Variants in MEAF6 observed in about 807,000 individuals in gnomAD.
The protein encoded by MEAF6 is MYST/Esa1 associated factor 6, also known as chromatin modification-related protein MEAF6.
MEAF6 carries 15 observed loss-of-function variants against 28.9 expected under a neutral mutation model. The observed-to-expected ratio is 0.52, with a 90% confidence interval of 0.35 to 0.80. The LOEUF (loss-of-function observed/expected upper bound fraction) is 0.80, where lower values mean the gene tolerates loss of function less well. MEAF6 is among the 30% of genes least tolerant of loss of function. The pLI, the probability that MEAF6 is intolerant of heterozygous loss-of-function variation, is 0.01. For synonymous variants in MEAF6, 97 were observed against 88.7 expected, an observed-to-expected ratio of 1.09 and a Z score of -0.53; for missense variants, 178 against 237.5, an observed-to-expected ratio of 0.75 and a Z score of 1.65.
intron 6 of MEAF6, among the ~76,000 whole-genome samples, chr1:37,495,357 T>A (rs1642084230): frequency 6.7e-6 from 1 of 149,512 alleles, no homozygotes; most frequent in Non-Finnish European, 1.5e-5. Context: ...AATAAATAAA[T>A]AAATAAATAA....
chr1:37,508,705 C>A (rs2148083868), intron 4 of MEAF6, among the ~76,000 whole-genome samples: 1 of 152,250 alleles, frequency 6.6e-6, no homozygotes, highest in East Asian at 1.9e-4. Flanking sequence ...TAAGATTTAT[C>A]AGTAATGAAA....
chr1:37,511,044 T>C (rs1642653132), intron 2 of MEAF6, among the ~76,000 whole-genome samples: 1 of 152,244 alleles, frequency 6.6e-6, no homozygotes, highest in Admixed American at 6.5e-5. Context: ...TTAATGCTTA[T>C]TATTTAAAAA....
chr1:37,501,165 G>C (rs755437715), intron 5 of MEAF6, among the ~76,000 whole-genome samples: 2 of 152,112 alleles, frequency 1.3e-5, no homozygotes, highest in Non-Finnish European at 2.9e-5. Context: ...GTCCACTGAC[G>C]TCATTCCTAT....
At chr1:37,502,556 GTTTTT>G (rs754498732) in intron 4 of MEAF6, among the ~76,000 whole-genome samples, 29 of 99,668 alleles carry the variant, frequency 2.9e-4, no homozygotes, top group African/African-American at 7.3e-4. Context: ...GTTTTTTCTT[GTTTTT>G]TTTTTGTTTG....
chr1:37,495,268 T>C (rs569683307), intron 6 of MEAF6, among the ~76,000 whole-genome samples: 69 of 151,326 alleles, frequency 4.6e-4, no homozygotes, highest in Non-Finnish European at 6.9e-4. Flanking sequence ...GAGGCGGAGG[T>C]TGCAGTGAGC....
Position 37,493,886 on chromosome 1 carries a change from G to A in MEAF6, c.*213C>T. ...ATTGTCTTCATCTTCCTGCAGTTCT[G>A]TTACTAAAAATGACATAAAGTAAGA... On this transcript the variant is annotated 3_prime_UTR_variant, in exon 7 of 7. Transcript: ENST00000296214. The A allele has an allele frequency of 1.3e-6, 2 of 1,570,600 alleles. No homozygotes were observed. The highest frequency in any genetic ancestry group is 1.7e-6 in the Non-Finnish European group (2 of 1,159,932).
chr1:37,506,196 A>C (rs1343060407), intron 4 of MEAF6, among the ~76,000 whole-genome samples: 1 of 151,978 alleles, frequency 6.6e-6, no homozygotes, highest in Non-Finnish European at 1.5e-5. Context: ...TCTTGAACCC[A>C]GGAGGTGGAG....
rs35527783 is a variant in MEAF6 at position 37,492,560 on chromosome 1, CA to C, written c.*1538del. ...AGTCAAAGATCTAAATAGCCAGAGTCAAAAAAAAAAAAAAAAAAAAACCCAC... is the reference window on the plus strand; with the variant it reads ...AGTCAAAGATCTAAATAGCCAGAGTCAAAAAAAAAAAAAAAAAAAACCCAC... On this transcript the variant is annotated 3_prime_UTR_variant, in exon 7 of 7. Coordinates refer to ENST00000296214, the MANE Select transcript of MEAF6 (RefSeq NM_001270875.3). 0.043 allele frequency: 3,138 copies of C among 73,036 alleles called. 24 individuals are homozygous for C. The highest frequency in any genetic ancestry group is 0.068 in the Middle Eastern group (5 of 74). 4.5% of individuals were successfully genotyped at this position (73,036 alleles called of 1,614,324 possible).
Position 37,514,757 on chromosome 1 carries a change from G to C in MEAF6, c.-11C>G, listed in dbSNP as rs1265325184. On this transcript the variant is annotated 5_prime_UTR_variant, in exon 1 of 7. Coordinates refer to ENST00000296214, the MANE Select transcript of MEAF6 (RefSeq NM_001270875.3). ...GTTGTGCATCGCCATGTTGGGCTGA[G>C]GCGGGCGGCGGCGGCGCGAGGTTGG... 6.9e-7 allele frequency: 1 copy of C among 1,446,356 alleles called. No individual in the cohort carries two copies. Among genetic ancestry groups the C allele is most frequent in the South Asian group, 1.4e-5 (1 of 73,488 alleles). 89.6% of individuals were successfully genotyped at this position (1,446,356 alleles called of 1,614,324 possible). A position where few individuals can be genotyped will look rare whatever the true frequency, so the allele number is the denominator to read the frequency against.
At chr1:37,497,513 G>A (rs1174605500) in intron 5 of MEAF6, among the ~76,000 whole-genome samples, 1 of 152,082 alleles carries the variant, frequency 6.6e-6, no homozygotes, top group Non-Finnish European at 1.5e-5. Context: ...ACCTAAGTAG[G>A]TGATGGCAAT....
intron 2 of MEAF6, 146 bp from the exon 3 acceptor site, chr1:37,509,688 C>T (rs950192640): frequency 2.1e-5 from 13 of 605,772 alleles, no homozygotes; most frequent in South Asian, 1.7e-4. Context: ...CAGAAAGCAA[C>T]GTTTTCCAAT....
chr1:37,492,270 C>T lies in MEAF6; in HGVS notation c.*1829G>A, dbSNP rs186038731. ...GTCTCGATCTCCTGACCTCGTGATC[C>T]GCCCGCTTCGGCCTCCCAAAGTGCT... On this transcript the variant is annotated 3_prime_UTR_variant, in exon 7 of 7. Coordinates refer to ENST00000296214, the MANE Select transcript of MEAF6 (RefSeq NM_001270875.3). Among the ~76,000 whole-genome samples, 86 of 151,952 alleles carry T rather than the reference C, an allele frequency of 5.7e-4. 1 individual carries two copies. The highest frequency in any genetic ancestry group is 3.9e-3 in the Admixed American group (60 of 15,250).
Position 37,490,198 on chromosome 1 carries a change from C to T in MEAF6, c.*3901G>A, listed in dbSNP as rs570533007. 1.4e-4 allele frequency among the ~76,000 whole-genome samples: 21 copies of T among 151,850 alleles called. No individual in the cohort carries two copies. The highest frequency in any genetic ancestry group is 5.1e-4 in the African/African-American group (21 of 41,380). ...TGTGTGCCCTCTTCCCCTTGGAGGC[C>T]ACTGCCCTAAGTGAGGATCAGCATC... On this transcript the variant is annotated 3_prime_UTR_variant, in exon 7 of 7. Coordinates refer to ENST00000296214, the MANE Select transcript of MEAF6 (RefSeq NM_001270875.3).
intron 4 of MEAF6, among the ~76,000 whole-genome samples, chr1:37,506,852 C>G (rs1642501057): frequency 6.6e-6 from 1 of 152,172 alleles, no homozygotes; most frequent in African/African-American, 2.4e-5. Flanking sequence ...AGCCACTGCA[C>G]TCAGCCAAAA....
chr1:37,491,990 A>G lies in MEAF6; in HGVS notation c.*2109T>C, dbSNP rs1641948639. Among the ~76,000 whole-genome samples, 1 of 147,976 alleles carries G rather than the reference A, an allele frequency of 6.8e-6. No homozygotes were observed. The highest frequency in any genetic ancestry group is 1.5e-5 in the Non-Finnish European group (1 of 67,498). On this transcript the variant is annotated 3_prime_UTR_variant, in exon 7 of 7. Coordinates refer to ENST00000296214, the MANE Select transcript of MEAF6 (RefSeq NM_001270875.3). ...GAGTGCAGTGGCGCAACAGAGCAGT[A>G]CTATTCCATCTCTAGCAATCTCAAA...
chr1:37,498,618 G>A (rs916570090), intron 5 of MEAF6, among the ~76,000 whole-genome samples: 115 of 151,414 alleles, frequency 7.6e-4, no homozygotes, highest in African/African-American at 2.7e-3. Flanking sequence ...TTGTAGAGAC[G>A]GGAGTCTCGC....
chr1:37,508,855 G>C (rs1199229067), intron 4 of MEAF6, among the ~76,000 whole-genome samples: 2 of 152,166 alleles, frequency 1.3e-5, no homozygotes, highest in East Asian at 3.8e-4. Context: ...CCAACACTTT[G>C]GGAGGCTCAA....
chr1:37,499,184 G>A (rs954990544), intron 5 of MEAF6, among the ~76,000 whole-genome samples: 1 of 152,026 alleles, frequency 6.6e-6, no homozygotes, highest in African/African-American at 2.4e-5. Flanking sequence ...CCTGAAGAGG[G>A]CAAATTCAAG....
rs956883115 is a variant in MEAF6, at chr1:37,493,170, T to C, written c.*929A>G. 1 of 152,248 alleles carries C rather than the reference T, an allele frequency of 6.6e-6. No individual in the cohort carries two copies. The highest frequency in any genetic ancestry group is 1.9e-4 in the East Asian group (1 of 5,208). 9.4% of individuals were successfully genotyped at this position (152,248 alleles called of 1,614,324 possible). On this transcript the variant is annotated 3_prime_UTR_variant, in exon 7 of 7. Transcript: ENST00000296214. ...TGGTATAATTTTGAGACTTTCCATA[T>C]GCCATGGTGATTTTTAGAGCAATAT...
Sources: gnomAD v4.1 joint callset for allele counts (sites outside exome capture counted in the v4.1 genomes callset) on GRCh38, gnomAD v4.1.1 for gene constraint, MANE v1.5 for transcripts, NCBI Gene and HGNC (gene_info 2026-07-23, HGNC 2026-07-21) for gene names.